B4GALT5: variants seen among roughly 807,000 people sequenced by gnomAD.
The protein encoded by B4GALT5 is beta-1,4-galactosyltransferase 5.
A neutral mutation model predicts 45.0 loss-of-function variants in B4GALT5; 11 were observed. That is an observed-to-expected ratio of 0.24 (90% CI 0.15 to 0.40). B4GALT5 has a LOEUF of 0.40. B4GALT5 is among the 10% of genes least tolerant of loss of function. The pLI is 1.00. For missense variants in B4GALT5, 337 were observed against 500.2 expected (o/e 0.67, Z 3.11); for synonymous variants, 185 against 182.9 (o/e 1.01, Z -0.09).
intron 1 of B4GALT5, among the ~76,000 whole-genome samples, chr20:49,695,645 AGGTGT>A (rs1410841309): frequency 2.6e-5 from 4 of 152,154 alleles, no homozygotes; most frequent in Non-Finnish European, 4.4e-5. Flanking sequence ...TCCCGACCTC[AGGTGT>A]TTGGCCTCCC....
At chr20:49,659,815 C>CTT (rs113286413) in intron 1 of B4GALT5, among the ~76,000 whole-genome samples, 4 of 145,120 alleles carry the variant, frequency 2.8e-5, no homozygotes, top group African/African-American at 1.0e-4. Flanking sequence ...TTCTTTTTTT[C>CTT]TTTTTTTTTT....
At chr20:49,659,601 G>C (rs754130941) in intron 1 of B4GALT5, among the ~76,000 whole-genome samples, 3 of 152,126 alleles carry the variant, frequency 2.0e-5, no homozygotes, top group Non-Finnish European at 4.4e-5. Flanking sequence ...AGGGAGTAAA[G>C]ATTGCCAAAC....
chr20:49,673,357 G>A (rs2085723944), intron 1 of B4GALT5, among the ~76,000 whole-genome samples: 1 of 149,426 alleles, frequency 6.7e-6, no homozygotes. Context: ...CCCAGCCTGG[G>A]TGACAAAGAG....
intron 3 of B4GALT5, among the ~76,000 whole-genome samples, chr20:49,645,714 A>G (rs2085596387): frequency 6.6e-6 from 1 of 152,120 alleles, no homozygotes; most frequent in Non-Finnish European, 1.5e-5. Context: ...GCACCACTGC[A>G]CTCCAGCCTG....
At chr20:49,667,831 C>G (rs1212546628) in intron 1 of B4GALT5, among the ~76,000 whole-genome samples, 1 of 152,162 alleles carries the variant, frequency 6.6e-6, no homozygotes, top group Non-Finnish European at 1.5e-5. Flanking sequence ...AAGTTTGAAG[C>G]TCTAATGTGA....
intron 2 of B4GALT5, among the ~76,000 whole-genome samples, chr20:49,649,319 C>T (rs932334719): frequency 6.6e-6 from 1 of 152,160 alleles, no homozygotes; most frequent in African/African-American, 2.4e-5. Context: ...TGGCTCATGC[C>T]TATAATCCCA....
chr20:49,713,468 C>T, intron 1 of B4GALT5, 108 bp downstream of exon 1: 2 of 1,143,888 alleles, frequency 1.7e-6, no homozygotes, highest in South Asian at 1.3e-5. Flanking sequence ...TTCGGAGGAC[C>T]AGGCTCAGGG....
At chr20:49,702,463 A>G (rs2085866154) in intron 1 of B4GALT5, among the ~76,000 whole-genome samples, 1 of 152,228 alleles carries the variant, frequency 6.6e-6, no homozygotes, top group South Asian at 2.1e-4. Context: ...TTTGTGCATC[A>G]AAGGACACTA....
intron 1 of B4GALT5, among the ~76,000 whole-genome samples, chr20:49,694,215 C>T (rs1301154049): frequency 3.9e-5 from 6 of 152,062 alleles, no homozygotes; most frequent in South Asian, 2.1e-4. Flanking sequence ...TATAGAGAGG[C>T]GATGTGCCTA....
At chr20:49,712,997 T>G (rs1600563053) in intron 1 of B4GALT5, among the ~76,000 whole-genome samples, 3 of 117,944 alleles carry the variant, frequency 2.5e-5, no homozygotes, top group Admixed American at 9.5e-5. Context: ...GACCTGGAGG[T>G]GGATGTAATA....
intron 7 of B4GALT5, among the ~76,000 whole-genome samples, 196 bp from the exon 8 acceptor site, chr20:49,637,638 G>C (rs936558131): frequency 1.3e-5 from 2 of 152,004 alleles, no homozygotes; most frequent in Non-Finnish European, 2.9e-5. Context: ...GTTTTTATGT[G>C]AACGGAAAAA....
chr20:49,676,842 C>T (rs2085739465), intron 1 of B4GALT5, among the ~76,000 whole-genome samples: 2 of 152,242 alleles, frequency 1.3e-5, no homozygotes, highest in Non-Finnish European at 2.9e-5. Context: ...GGCACACATC[C>T]TCTGTGTCTA....
rs1435978448 is a variant in B4GALT5, at chr20:49,634,866, AAAAAC to A, written c.*1441_*1445del. 4 of 152,316 alleles carry A rather than the reference AAAAAC, an allele frequency of 2.6e-5. No individual in the cohort carries two copies. In the South Asian group the frequency reaches 8.3e-4, roughly 32 times the overall value. The allele number at this position is 152,316 out of a possible 1,614,324, so 9.4% of individuals were successfully genotyped here. ...TAGGCGACAGAGCCAGACCGTCTTA[AAAAAC>A]AAAACAAAAAATAATATGACTTCAA... On this transcript the variant is annotated 3_prime_UTR_variant, in exon 9 of 9. Coordinates refer to ENST00000371711, the MANE Select transcript of B4GALT5 (RefSeq NM_004776.4).
intron 1 of B4GALT5, among the ~76,000 whole-genome samples, chr20:49,689,281 A>G (rs1259570798): frequency 6.6e-6 from 1 of 152,216 alleles, no homozygotes; most frequent in African/African-American, 2.4e-5. Context: ...AAGATAAGAG[A>G]GATCCTTAAC....
intron 4 of B4GALT5, 125 bp from the exon 5 acceptor site, chr20:49,642,709 G>C: frequency 1.5e-6 from 1 of 674,610 alleles, no homozygotes; most frequent in East Asian, 2.5e-5. Flanking sequence ...CTTGTCCTCA[G>C]CTTTCTCTAA....
intron 4 of B4GALT5, 146 bp downstream of exon 4, chr20:49,643,380 C>T: frequency 3.8e-6 from 4 of 1,063,914 alleles, no homozygotes; most frequent in Non-Finnish European, 5.4e-6. Flanking sequence ...TGTGGAAACC[C>T]ATTCCTCTAA....
At chr20:49,675,394 T>A (rs948444049) in intron 1 of B4GALT5, among the ~76,000 whole-genome samples, 1 of 152,210 alleles carries the variant, frequency 6.6e-6, no homozygotes, top group Non-Finnish European at 1.5e-5. Context: ...TACACTTTAC[T>A]TTTAAATATT....
intron 1 of B4GALT5, among the ~76,000 whole-genome samples, chr20:49,657,149 G>T (rs1004088104): frequency 7.2e-5 from 11 of 152,130 alleles, no homozygotes; most frequent in African/African-American, 2.7e-4. Flanking sequence ...TAGAAGCACT[G>T]AAGCCATGGT....
chr20:49,692,597 A>G (rs1379721133), intron 1 of B4GALT5, among the ~76,000 whole-genome samples: 2 of 152,232 alleles, frequency 1.3e-5, no homozygotes, highest in African/African-American at 4.8e-5. Context: ...AATGGGACTC[A>G]GTTGTAGTGC....
Sources: gnomAD v4.1 joint callset for allele counts (sites outside exome capture counted in the v4.1 genomes callset) on GRCh38, gnomAD v4.1.1 for gene constraint, MANE v1.5 for transcripts, NCBI Gene and HGNC (gene_info 2026-07-23, HGNC 2026-07-21) for gene names.